The following TCF4 variants were observed in gnomAD, a reference collection of about 807,000 sequenced individuals.
TCF4 encodes the protein transcription factor 4.
In TCF4, 3 loss-of-function variants were observed where a neutral mutation model predicts 82.1. The observed-to-expected ratio is 0.04, with a 90% confidence interval of 0.02 to 0.09. The LOEUF is 0.09. Among genes scored for constraint, TCF4 ranks in the 10% least tolerant of loss-of-function variants. TCF4 has a pLI of 1.00. For synonymous variants in TCF4, 276 were observed against 309.6 expected, an observed-to-expected ratio of 0.89 and a Z score of 1.14; for missense variants, 518 against 852.7, an observed-to-expected ratio of 0.61 and a Z score of 4.89.
At chr18:55,545,163 T>C (rs997139434) in intron 3 of TCF4, among the ~76,000 whole-genome samples, 6 of 152,200 alleles carry the variant, frequency 3.9e-5, no homozygotes, top group Admixed American at 2.6e-4. Flanking sequence ...AACAGGGATC[T>C]GCTACTTCAC....
chr18:55,492,413 A>G (rs2096586233), intron 3 of TCF4, among the ~76,000 whole-genome samples: 1 of 152,204 alleles, frequency 6.6e-6, no homozygotes. Context: ...CAGTTAAACA[A>G]CAAAGTCTAT....
intron 1 of TCF4, 80 bp downstream of exon 1, chr18:55,587,958 C>T (rs1465862130): frequency 9.5e-6 from 9 of 946,906 alleles, no homozygotes; most frequent in African/African-American, 3.6e-5. Flanking sequence ...GGCGCGGAGC[C>T]GCGTGCGGGG....
At chr18:55,617,308 C>A (rs2097713091) in intron 2 of TCF4, among the ~76,000 whole-genome samples, 5 of 151,958 alleles carry the variant, frequency 3.3e-5, no homozygotes, top group Admixed American at 2.0e-4. Context: ...CTTTTTTATA[C>A]CAGTACCATA....
intron 8 of TCF4, among the ~76,000 whole-genome samples, chr18:55,344,594 G>A (rs933054643): frequency 6.6e-6 from 1 of 152,124 alleles, no homozygotes; most frequent in Non-Finnish European, 1.5e-5. Context: ...TACACTAAAT[G>A]CTATTATTGT....
chr18:55,225,719 C>T lies in TCF4; in HGVS notation c.*2316G>A, dbSNP rs2046505316. ...CCTTCTCTGAGCCTCTTTGTTCATA[C>T]ATTTCACAGGAAAGCCCCAAAATAA... On this transcript the variant is annotated 3_prime_UTR_variant, in exon 20 of 20. Coordinates refer to ENST00000354452, the MANE Select transcript of TCF4 (RefSeq NM_001083962.2). 1 of 152,504 alleles carries T rather than the reference C, an allele frequency of 6.6e-6. No individual in the cohort carries two copies. The highest frequency in any genetic ancestry group is 2.4e-5 in the African/African-American group (1 of 41,432). 9.4% of individuals were successfully genotyped at this position (152,504 alleles called of 1,614,324 possible).
At chr18:55,618,521 T>C (rs1307609246) in intron 2 of TCF4, among the ~76,000 whole-genome samples, 2 of 152,110 alleles carry the variant, frequency 1.3e-5, no homozygotes, top group Non-Finnish European at 2.9e-5. Context: ...GTCAATTTTA[T>C]CTTTTTAAAA....
chr18:55,525,371 C>A (rs556394127), intron 3 of TCF4, among the ~76,000 whole-genome samples: 29 of 152,080 alleles, frequency 1.9e-4, no homozygotes, highest in Admixed American at 1.1e-3. Flanking sequence ...AAATACCACA[C>A]TCTAAATCAA....
intron 8 of TCF4, among the ~76,000 whole-genome samples, chr18:55,342,501 A>G (rs1449031747): frequency 6.6e-6 from 1 of 152,156 alleles, no homozygotes; most frequent in Non-Finnish European, 1.5e-5. Context: ...TAGATACAGA[A>G]CTGTGCTTTT....
At chr18:55,465,720 G>A (rs548946965) in intron 3 of TCF4, among the ~76,000 whole-genome samples, 4 of 152,128 alleles carry the variant, frequency 2.6e-5, no homozygotes, top group East Asian at 1.9e-4. Context: ...TAGCCTACAC[G>A]GTTCTCTTAA....
intron 8 of TCF4, among the ~76,000 whole-genome samples, chr18:55,336,862 C>T (rs1432030343): frequency 6.6e-6 from 1 of 151,986 alleles, no homozygotes; most frequent in African/African-American, 2.4e-5. Context: ...GAGATTTTGA[C>T]AAACATTAAA....
chr18:55,624,824 T>G (rs1215233249), intron 2 of TCF4, among the ~76,000 whole-genome samples: 10 of 152,186 alleles, frequency 6.6e-5, no homozygotes, highest in Admixed American at 3.9e-4. Flanking sequence ...ATGTCAGGTA[T>G]AGTAGGTATT....
intron 15 of TCF4, among the ~76,000 whole-genome samples, chr18:55,253,406 AG>A (rs1568464501): frequency 1.3e-5 from 2 of 152,188 alleles, no homozygotes; most frequent in East Asian, 3.9e-4. Context: ...TAAGGTGCTT[AG>A]AGACGAGGTA....
At chr18:55,547,436 A>C (rs1345470108) in intron 3 of TCF4, among the ~76,000 whole-genome samples, 5 of 152,156 alleles carry the variant, frequency 3.3e-5, no homozygotes, top group Non-Finnish European at 7.4e-5. Flanking sequence ...CATTTATTAA[A>C]ATTTCTAGTT....
chr18:55,486,517 G>A (rs1350488701), intron 3 of TCF4, among the ~76,000 whole-genome samples: 5 of 152,178 alleles, frequency 3.3e-5, no homozygotes, highest in South Asian at 2.1e-4. Context: ...GCTTGAACCC[G>A]GGAGGCGAAG....
intron 15 of TCF4, 129 bp from the exon 16 acceptor site, chr18:55,234,812 G>T: frequency 7.5e-7 from 1 of 1,340,292 alleles, no homozygotes. Context: ...TTCACTAGAG[G>T]GCGCTGAAGG....
At position 55,586,122 on chromosome 18, in the gene TCF4, G is replaced by A. The variant is rs2097642844; in HGVS notation, c.73-770C>T. Reference sequence around the variant, plus strand: ...CTCCAAAAGAAGGTCTAGAAGAGGAGGAGGAGGAGGAGAAGGAGGAGGAGG... The same window carrying A: ...CTCCAAAAGAAGGTCTAGAAGAGGAAGAGGAGGAGGAGAAGGAGGAGGAGG... On this transcript the variant is annotated intron_variant, in intron 2 of 19. Coordinates refer to ENST00000354452, the MANE Select transcript of TCF4 (RefSeq NM_001083962.2). The A allele has an allele frequency of 2.7e-6, 4 of 1,455,738 alleles. No homozygotes were observed. The South Asian group carries it at 3.6e-5, about 13-fold the overall frequency. The allele number at this position is 1,455,738 out of a possible 1,614,324, so 90.2% of individuals were successfully genotyped here.
intron 5 of TCF4, among the ~76,000 whole-genome samples, chr18:55,448,947 C>G (rs559121340): frequency 1.7e-4 from 26 of 152,276 alleles, no homozygotes; most frequent in Non-Finnish European, 3.1e-4. Context: ...AAGGCAGCTT[C>G]TTTTATTCTC....
intron 5 of TCF4, among the ~76,000 whole-genome samples, chr18:55,412,215 G>C (rs534323860): frequency 1.3e-5 from 2 of 152,048 alleles, no homozygotes; most frequent in Admixed American, 6.6e-5. Flanking sequence ...ACCTATTTAC[G>C]CAGAGTTTTT....
At position 55,575,314 on chromosome 18, in the gene TCF4, A is replaced by G. The variant is rs1012800048; in HGVS notation, c.145+9966T>C. Among the ~76,000 whole-genome samples the G allele has an allele frequency of 3.9e-5, 6 of 152,196 alleles. No individual in the cohort carries two copies. In the East Asian group the frequency reaches 9.6e-4, roughly 24 times the overall value. On this transcript the variant is annotated intron_variant, in intron 3 of 19. Coordinates refer to ENST00000354452, the MANE Select transcript of TCF4 (RefSeq NM_001083962.2). Reference sequence around the variant, plus strand: ...CCAAGAGGGCACATAACAAAGAACAATTATTCAAACAAGCATTAAAACTGA... The same window carrying G: ...CCAAGAGGGCACATAACAAAGAACAGTTATTCAAACAAGCATTAAAACTGA...
Sources: allele counts gnomAD v4.1 joint callset (sites outside exome capture counted in the v4.1 genomes callset), GRCh38; gene constraint gnomAD v4.1.1; transcripts MANE v1.5; gene names NCBI Gene and HGNC (gene_info 2026-07-23, HGNC 2026-07-21).